The following KCNMA1 variants were observed in gnomAD, a reference collection of about 807,000 sequenced individuals.
KCNMA1 encodes potassium calcium-activated channel subfamily M alpha 1.
Under a neutral mutation model 140.0 loss-of-function variants are expected in KCNMA1, and 29 were observed. The ratio of observed to expected loss-of-function variants is 0.21; its 90% CI spans 0.15 to 0.28. The LOEUF (loss-of-function observed/expected upper bound fraction) is 0.28, where lower values mean the gene tolerates loss of function less well. Ranked by LOEUF, KCNMA1 falls within the 10% of genes least tolerant of loss-of-function variation. The pLI, the probability that KCNMA1 is intolerant of heterozygous loss-of-function variation, is 1.00. For missense variants in KCNMA1, 880 were observed against 1,602.2 expected, an observed-to-expected ratio of 0.55 and a Z score of 7.70; for synonymous variants, 612 against 611.9, an observed-to-expected ratio of 1.00 and a Z score of 0.00.
chr10:77,376,047 T>G (rs2095079502), intron 2 of KCNMA1, among the ~76,000 whole-genome samples: 1 of 152,230 alleles, frequency 6.6e-6, no homozygotes, highest in Non-Finnish European at 1.5e-5. Flanking sequence ...AGTAAATGTC[T>G]GAAACAAGAT....
chr10:77,317,839 A>G (rs2081284397), intron 2 of KCNMA1, among the ~76,000 whole-genome samples: 1 of 152,190 alleles, frequency 6.6e-6, no homozygotes, highest in South Asian at 2.1e-4. Context: ...ACTCTTAATG[A>G]TTCCACCAGC....
At chr10:77,334,241 T>G (rs1386644152) in intron 2 of KCNMA1, among the ~76,000 whole-genome samples, 1 of 152,202 alleles carries the variant, frequency 6.6e-6, no homozygotes, top group African/African-American at 2.4e-5. Flanking sequence ...AACTGGTCCC[T>G]AGCAAGAGTT....
chr10:77,007,653 G>GTGTGTGTATATATATATA lies in KCNMA1; in HGVS notation c.2092+4313_2092+4314insTATATATATATACACACA. Among the ~76,000 whole-genome samples the GTGTGTGTATATATATATA allele has an allele frequency of 1.5e-3, 135 of 88,234 alleles. 4 individuals carry two copies. Among genetic ancestry groups the GTGTGTGTATATATATATA allele is most frequent in the African/African-American group, 2.0e-3 (44 of 22,148 alleles). The allele number at this position is 88,234 out of a possible 152,430, so 57.9% of individuals were successfully genotyped here. ...ACATCATGGTACATATTGTGTGTGT[G>GTGTGTGTATATATATATA]TATATATATATATATATATATATGT... On this transcript the variant is annotated intron_variant, in intron 18 of 27. Coordinates refer to ENST00000286628, the MANE Select transcript of KCNMA1 (RefSeq NM_001161352.2).
At chr10:77,018,263 CT>C (rs2092415072) in intron 17 of KCNMA1, among the ~76,000 whole-genome samples, 1 of 152,158 alleles carries the variant, frequency 6.6e-6, no homozygotes, top group Non-Finnish European at 1.5e-5. Flanking sequence ...TAATAATGTA[CT>C]TAAAATATTT....
chr10:77,250,929 C>T (rs532303007), intron 3 of KCNMA1: 1 of 455,870 alleles, frequency 2.2e-6, no homozygotes, highest in Admixed American at 3.4e-5. Context: ...CATTAGGAAA[C>T]AGCTCTTTAA....
intron 1 of KCNMA1, among the ~76,000 whole-genome samples, chr10:77,509,886 C>T (rs1567232545): frequency 6.6e-6 from 1 of 152,088 alleles, no homozygotes; most frequent in Non-Finnish European, 1.5e-5. Context: ...CAAGGCACAG[C>T]TAAATTCTGG....
intron 3 of KCNMA1, among the ~76,000 whole-genome samples, chr10:77,211,819 T>TGAAA (rs1250953664): frequency 6.6e-6 from 1 of 152,122 alleles, no homozygotes; most frequent in Non-Finnish European, 1.5e-5. Context: ...AAAGAAGACA[T>TGAAA]ACAAGTGGCT....
intron 2 of KCNMA1, among the ~76,000 whole-genome samples, chr10:77,337,899 T>C (rs1398131131): frequency 1.3e-5 from 2 of 152,112 alleles, no homozygotes; most frequent in African/African-American, 4.8e-5. Context: ...GTATGGCAAA[T>C]GGAAGGACAT....
Position 77,435,403 on chromosome 10 carries a change from G to A in KCNMA1, c.379-31380C>T, listed in dbSNP as rs562836208. 9.2e-5 allele frequency among the ~76,000 whole-genome samples: 14 copies of A among 152,272 alleles called. No homozygotes were observed. In the South Asian group the frequency reaches 1.0e-3, roughly 11 times the overall value. ...TATGAAATTCTAGGTAGATGCCTCC[G>A]TTTGCATGCAGTCTCAATGGGGGCT... is the stretch of plus-strand genomic sequence containing the variant. On this transcript the variant is annotated intron_variant, in intron 1 of 27. Coordinates refer to ENST00000286628, the MANE Select transcript of KCNMA1 (RefSeq NM_001161352.2).
intron 5 of KCNMA1, among the ~76,000 whole-genome samples, chr10:77,122,565 A>G (rs1404882869): frequency 1.3e-5 from 2 of 152,150 alleles, no homozygotes; most frequent in African/African-American, 4.8e-5. Context: ...AGAAAAAAAA[A>G]AGATGAAACT....
At chr10:77,128,827 C>T (rs2097794758) in intron 5 of KCNMA1, among the ~76,000 whole-genome samples, 1 of 152,156 alleles carries the variant, frequency 6.6e-6, no homozygotes, top group Non-Finnish European at 1.5e-5. Context: ...CCATTGTGCA[C>T]ATGAATCACC....
At chr10:77,024,708 T>C (rs1257400032) in intron 16 of KCNMA1, among the ~76,000 whole-genome samples, 2 of 152,230 alleles carry the variant, frequency 1.3e-5, no homozygotes, top group Middle Eastern at 3.4e-3. Flanking sequence ...AAAAAAGCCA[T>C]GAGTCTGTCT....
intron 1 of KCNMA1, among the ~76,000 whole-genome samples, chr10:77,413,151 G>A (rs552834371): frequency 3.0e-4 from 46 of 152,170 alleles, no homozygotes; most frequent in African/African-American, 1.1e-3. Flanking sequence ...GAGCCACCTC[G>A]CCCGGCCCCA....
intron 2 of KCNMA1, among the ~76,000 whole-genome samples, chr10:77,286,491 C>A (rs1292175128): frequency 2.0e-5 from 3 of 152,150 alleles, no homozygotes; most frequent in Non-Finnish European, 4.4e-5. Flanking sequence ...CTGGTAATAC[C>A]CATCTCTCAC....
intron 24 of KCNMA1, 156 bp from the exon 25 acceptor site, chr10:76,910,252 A>G (rs1179277700): frequency 2.7e-6 from 2 of 753,478 alleles, no homozygotes; most frequent in South Asian, 3.0e-5. Context: ...TAAGGGGGGC[A>G]GTGGGACTCA....
rs369610773 is a variant in KCNMA1, at chr10:77,138,840, G to A, written c.809-17792C>T. 2.0e-4 allele frequency among the ~76,000 whole-genome samples: 31 copies of A among 152,210 alleles called. No individual in the cohort carries two copies. The South Asian group carries it at 5.8e-3, about 29-fold the overall frequency. On this transcript the variant is annotated intron_variant, in intron 5 of 27. Transcript: ENST00000286628. The stretch of plus-strand genomic sequence containing the variant: ...TCTTCCCTTCTGTTTCTTTTCTTGG[G>A]AATGTTCTTCCCCCAGATCATTGCA...
chr10:77,460,040 G>A (rs1271984400), intron 1 of KCNMA1, among the ~76,000 whole-genome samples: 1 of 152,072 alleles, frequency 6.6e-6, no homozygotes, highest in African/African-American at 2.4e-5. Flanking sequence ...CTCTCACTTC[G>A]GTCCTTGTAG....
chr10:77,184,252 C>T (rs1464412986), intron 4 of KCNMA1, among the ~76,000 whole-genome samples: 2 of 152,168 alleles, frequency 1.3e-5, no homozygotes, highest in Non-Finnish European at 2.9e-5. Context: ...TGGAGTCTTA[C>T]TCTGTTGCCC....
intron 11 of KCNMA1, 98 bp downstream of exon 11, chr10:77,086,390 G>T: frequency 1.1e-6 from 1 of 884,792 alleles, no homozygotes. Context: ...ATGACTCGTG[G>T]CCAACCTAGG....
Sources: allele counts gnomAD v4.1 joint callset (sites outside exome capture counted in the v4.1 genomes callset), GRCh38; gene constraint gnomAD v4.1.1; transcripts MANE v1.5; gene names NCBI Gene and HGNC (gene_info 2026-07-23, HGNC 2026-07-21).